RAD51B: variants seen among roughly 807,000 people sequenced by gnomAD.
The protein encoded by RAD51B is DNA repair protein RAD51 homolog 2.
In RAD51B, 38 loss-of-function variants were observed where a neutral mutation model predicts 42.2. That is an observed-to-expected ratio of 0.90 (90% CI 0.70 to 1.18). The LOEUF (loss-of-function observed/expected upper bound fraction) is 1.18. RAD51B is among the 50% of genes most tolerant of loss of function. The pLI, the probability that RAD51B is intolerant of heterozygous loss-of-function variation, is 0.00. For synonymous variants in RAD51B, 154 were observed against 145.2 expected, an observed-to-expected ratio of 1.06 and a Z score of -0.43; for missense variants, 373 against 400.7, an observed-to-expected ratio of 0.93 and a Z score of 0.59.
At chr14:68,580,096 C>T (rs1890144446) in intron 10 of RAD51B, among the ~76,000 whole-genome samples, 1 of 152,246 alleles carries the variant, frequency 6.6e-6, no homozygotes. Context: ...GAGCAGCCAT[C>T]CTACCTGCCT....
chr14:68,346,290 C>G lies in RAD51B; in HGVS notation c.853+54310C>G, dbSNP rs186030176. ...GCGCAACTTCATTTGATATGATTTC[C>G]TAGCCTAGAATATAATCAGGAAGGC... On this transcript the variant is annotated intron_variant, in intron 8 of 10. Transcript: ENST00000471583. Among the ~76,000 whole-genome samples, 51 of 152,288 alleles carry G rather than the reference C, an allele frequency of 3.3e-4. 1 individual carries two copies. The East Asian group carries it at 8.5e-3, about 25-fold the overall frequency.
chr14:68,562,050 A>T, intron 10 of RAD51B: 13 of 985,436 alleles, frequency 1.3e-5, no homozygotes, highest in Non-Finnish European at 1.6e-5. Context: ...TTGCAGAATT[A>T]GACCACATGA....
At chr14:68,662,366 A>C (rs1423612056) in intron 11 of RAD51B, among the ~76,000 whole-genome samples, 1 of 152,234 alleles carries the variant, frequency 6.6e-6, no homozygotes, top group Non-Finnish European at 1.5e-5. Context: ...GCCACCATGA[A>C]TCCAAACTGT....
chr14:68,461,704 G>A (rs1178814726), intron 9 of RAD51B, among the ~76,000 whole-genome samples: 1 of 152,186 alleles, frequency 6.6e-6, no homozygotes, highest in African/African-American at 2.4e-5. Flanking sequence ...AGACACACCT[G>A]AGAGGGCTAA....
intron 7 of RAD51B, among the ~76,000 whole-genome samples, chr14:68,262,556 C>T (rs1045629196): frequency 1.3e-5 from 2 of 152,136 alleles, no homozygotes; most frequent in Admixed American, 6.5e-5. Context: ...TTCACCTGCC[C>T]CCTGACCCAG....
intron 1 of RAD51B, among the ~76,000 whole-genome samples, chr14:67,820,572 C>T (rs981625101): frequency 6.6e-6 from 1 of 151,842 alleles, no homozygotes; most frequent in Non-Finnish European, 1.5e-5. Flanking sequence ...CCGGTGGGGG[C>T]AAACAAACTT....
At chr14:68,560,072 G>C (rs921047133) in intron 10 of RAD51B, among the ~76,000 whole-genome samples, 8 of 152,092 alleles carry the variant, frequency 5.3e-5, no homozygotes, top group African/African-American at 1.9e-4. Context: ...CCTCCTCCTT[G>C]CCCCATTTTC....
intron 10 of RAD51B, among the ~76,000 whole-genome samples, chr14:68,637,591 C>T (rs1423724472): frequency 6.6e-6 from 1 of 152,130 alleles, no homozygotes; most frequent in Admixed American, 6.5e-5. Context: ...GATTGCAGCA[C>T]AAAGGCAGCA....
chr14:68,258,703 C>T (rs926961802), intron 7 of RAD51B, among the ~76,000 whole-genome samples: 4 of 152,050 alleles, frequency 2.6e-5, no homozygotes, highest in Non-Finnish European at 5.9e-5. Flanking sequence ...AAGGACTTCC[C>T]ACAGACTGCC....
At position 68,466,261 on chromosome 14, in the gene RAD51B, G is replaced by A. The variant is rs113017959; in HGVS notation, c.958-1911G>A. ...GGAACCATATGTGATGGGTTAGTTG[G>A]AAATGTTCCTATTATTTATTGTGAA... On this transcript the variant is annotated intron_variant, in intron 9 of 10. Coordinates refer to ENST00000471583, the MANE Select transcript of RAD51B (RefSeq NM_133510.4). Among the ~76,000 whole-genome samples the A allele has an allele frequency of 5.6e-4, 86 of 152,326 alleles. No homozygotes were observed. In the Middle Eastern group the frequency reaches 0.01, roughly 18 times the overall value.
chr14:67,961,147 C>G (rs568636539), intron 7 of RAD51B, among the ~76,000 whole-genome samples: 12 of 151,934 alleles, frequency 7.9e-5, no homozygotes, highest in Non-Finnish European at 1.5e-4. Context: ...GCTGGGGCCA[C>G]AGGTGTGCGC....
chr14:67,955,258 A>G (rs2074524989), intron 7 of RAD51B, among the ~76,000 whole-genome samples: 1 of 152,208 alleles, frequency 6.6e-6, no homozygotes, highest in Non-Finnish European at 1.5e-5. Context: ...TTTTATTGTC[A>G]GCTAATTCAT....
chr14:68,233,347 G>C (rs1486839642), intron 7 of RAD51B, among the ~76,000 whole-genome samples: 2 of 152,024 alleles, frequency 1.3e-5, no homozygotes, highest in Non-Finnish European at 2.9e-5. Context: ...CTGAGCCAAG[G>C]GCATATATGC....
intron 4 of RAD51B, among the ~76,000 whole-genome samples, chr14:67,844,249 T>A (rs1479698867): frequency 6.6e-6 from 1 of 152,036 alleles, no homozygotes; most frequent in African/African-American, 2.4e-5. Context: ...TTTTAATTTG[T>A]TGACTATTGT....
intron 7 of RAD51B, among the ~76,000 whole-genome samples, chr14:68,278,854 C>T (rs1264908555): frequency 2.6e-5 from 4 of 152,138 alleles, no homozygotes; most frequent in Admixed American, 6.5e-5. Flanking sequence ...TTTTTCTTTG[C>T]GTTCCTGTGC....
At position 68,392,387 on chromosome 14, in the gene RAD51B, T is replaced by C. The variant is rs186754040; in HGVS notation, c.854-19037T>C. ...AGGACCAAGGCACAGCTCAAGATGT[T>C]GTTTGCCAATTCTTCCTTTTATGAC... On this transcript the variant is annotated intron_variant, in intron 8 of 10. Coordinates refer to ENST00000471583, the MANE Select transcript of RAD51B (RefSeq NM_133510.4). Among the ~76,000 whole-genome samples, 214 of 152,244 alleles carry C rather than the reference T, an allele frequency of 1.4e-3. 1 individual carries two copies. The highest frequency in any genetic ancestry group is 5.0e-3 in the African/African-American group (206 of 41,556).
chr14:67,973,393 A>T (rs1247782263), intron 7 of RAD51B, among the ~76,000 whole-genome samples: 1 of 152,176 alleles, frequency 6.6e-6, no homozygotes, highest in African/African-American at 2.4e-5. Flanking sequence ...TGTTGAAGTG[A>T]TGTTTGCTGC....
At chr14:68,431,789 G>A (rs1344645639) in intron 9 of RAD51B, among the ~76,000 whole-genome samples, 1 of 152,108 alleles carries the variant, frequency 6.6e-6, no homozygotes, top group Non-Finnish European at 1.5e-5. Context: ...CTTGCCTTCT[G>A]CTAGCTTTTG....
intron 9 of RAD51B, among the ~76,000 whole-genome samples, chr14:68,419,024 G>A (rs1296598432): frequency 6.6e-6 from 1 of 152,162 alleles, no homozygotes; most frequent in East Asian, 1.9e-4. Flanking sequence ...AGGTGTTTGT[G>A]AACAATGAAG....
Sources: allele counts gnomAD v4.1 joint callset (sites outside exome capture counted in the v4.1 genomes callset), GRCh38; gene constraint gnomAD v4.1.1; transcripts MANE v1.5; gene names NCBI Gene and HGNC (gene_info 2026-07-23, HGNC 2026-07-21).